Variants in POGLUT1 observed in about 807,000 individuals in gnomAD.
The protein encoded by POGLUT1 is protein O-glucosyltransferase 1, also known as 9630046K23Rik.
POGLUT1 carries 32 observed loss-of-function variants against 61.3 expected under a neutral mutation model. The observed-to-expected ratio is 0.52, with a 90% CI of 0.39 to 0.70. The LOEUF is 0.70. Ranked by LOEUF, POGLUT1 falls within the 30% of genes least tolerant of loss-of-function variation. The pLI, the probability that POGLUT1 is intolerant of heterozygous loss-of-function variation, is 0.00. For synonymous variants in POGLUT1, 158 were observed against 158.2 expected (o/e 1.00, Z 0.01); for missense variants, 411 against 469.8 (o/e 0.87, Z 1.16).
chr3:119,475,954 CCA>C lies in POGLUT1; in HGVS notation c.321-1320_321-1319del, dbSNP rs539140166. 4.8e-3 allele frequency among the ~76,000 whole-genome samples: 626 copies of C among 130,938 alleles called. 5 individuals carry two copies. The highest frequency in any genetic ancestry group is 0.014 in the African/African-American group (460 of 33,204). 85.9% of individuals were successfully genotyped at this position (130,938 alleles called of 152,430 possible). ...TGGACAACATACCAAGACTGTCTCTCCACACACACACACACACACACACACAC... is the reference window on the plus strand; with the variant it reads ...TGGACAACATACCAAGACTGTCTCTCCACACACACACACACACACACACAC... On this transcript the variant is annotated intron_variant, in intron 3 of 10. Transcript: ENST00000295588.
chr3:119,473,888 T>C (rs1007238274), intron 3 of POGLUT1, among the ~76,000 whole-genome samples: 2 of 152,174 alleles, frequency 1.3e-5, no homozygotes, highest in African/African-American at 4.8e-5. Context: ...CTCAAACTCC[T>C]GACCTCATGA....
At position 119,470,048 on chromosome 3, in the gene POGLUT1, C is replaced by G. The variant is rs6438531; in HGVS notation, c.176+138C>G. 514,187 of 630,702 alleles carry G rather than the reference C, an allele frequency of 0.82. 210,512 individuals carry two copies. Among genetic ancestry groups the G allele is most frequent in the African/African-American group, 0.91 (49,888 of 54,524 alleles). The allele number at this position is 630,702 out of a possible 1,614,324, so 39.1% of individuals were successfully genotyped here. On this transcript the variant is annotated intron_variant, in intron 2 of 10. Coordinates refer to ENST00000295588, the MANE Select transcript of POGLUT1 (RefSeq NM_152305.3). The stretch of plus-strand genomic sequence containing the variant: ...TATTTCTGGGGAATAAAAATGCTCT[C>G]GCATGGGAAAGGCTCAGGTGGTGTC...
chr3:119,489,045 C>T, intron 8 of POGLUT1, 58 bp downstream of exon 8: 2 of 963,320 alleles, frequency 2.1e-6, no homozygotes, highest in Non-Finnish European at 3.3e-6. Context: ...GAAATAGCTT[C>T]ACTTTGGGTG....
intron 3 of POGLUT1, chr3:119,471,733 G>T: frequency 2.5e-6 from 1 of 399,428 alleles, no homozygotes; most frequent in Admixed American, 3.9e-5. Flanking sequence ...CAGGACACAG[G>T]CTGATGAGGC....
chr3:119,492,057 AAAATAAAT>A (rs71156748), intron 10 of POGLUT1, among the ~76,000 whole-genome samples: 9 of 150,504 alleles, frequency 6.0e-5, no homozygotes, highest in South Asian at 4.3e-4. Context: ...TCCGTCTCAA[AAAATAAAT>A]AAATAAATAA....
rs748119694 is a variant in POGLUT1 at position 119,477,382 on chromosome 3, T to C, written c.390T>C (p.Asn130=). Residue 130 remains asparagine (N), a synonymous_variant, in exon 4 of 11, where the codon AAT becomes AAC. Transcript: ENST00000295588. ...GRLPDMEMVI[N]VRDYPQVPKW... is the part of the protein sequence containing the mutation. The stretch of plus-strand genomic sequence containing the variant: ...TCCCTGACATGGAGATGGTGATCAA[T>C]GTACGAGATTATCCTCAGGTTCCTA... 2 of 1,614,000 alleles carry C rather than the reference T, an allele frequency of 1.2e-6. No individual in the cohort carries two copies. The highest frequency in any genetic ancestry group is 1.1e-5 in the South Asian group (1 of 91,090).
intron 7 of POGLUT1, among the ~76,000 whole-genome samples, chr3:119,487,765 C>T (rs2081685292): frequency 6.6e-6 from 1 of 151,922 alleles, no homozygotes; most frequent in Admixed American, 6.6e-5. Context: ...CAAATTTGGC[C>T]TGTGGGTCGT....
chr3:119,488,787 G>A, intron 7 of POGLUT1, 142 bp from the exon 8 acceptor site: 1 of 439,008 alleles, frequency 2.3e-6, no homozygotes, highest in East Asian at 3.3e-5. Flanking sequence ...TTTATATAAT[G>A]GGAATAATAA....
At chr3:119,472,323 A>G (rs1336254576) in intron 3 of POGLUT1, among the ~76,000 whole-genome samples, 3 of 152,220 alleles carry the variant, frequency 2.0e-5, no homozygotes, top group African/African-American at 7.2e-5. Flanking sequence ...AAAGTGAAAT[A>G]AATGTGCAGA....
chr3:119,468,986 C>T lies in POGLUT1; in HGVS notation c.-36C>T, dbSNP rs2081430098. On this transcript the variant is annotated 5_prime_UTR_variant, in exon 1 of 11. Transcript: ENST00000295588. ...TTGTGCGGGGCCGCGCTTCCGCCAG[C>T]GCCGCAGCGGGGAATCTGCAGTAGG... 3 of 1,571,004 alleles carry T rather than the reference C, an allele frequency of 1.9e-6. No individual in the cohort carries two copies. Among genetic ancestry groups the T allele is most frequent in the Non-Finnish European group, 2.6e-6 (3 of 1,155,136 alleles).
At chr3:119,487,857 A>G (rs914245759) in intron 7 of POGLUT1, among the ~76,000 whole-genome samples, 1 of 152,182 alleles carries the variant, frequency 6.6e-6, no homozygotes, top group East Asian at 1.9e-4. Flanking sequence ...AATGAATCAA[A>G]TGAGTCAGAA....
rs368566548 is a variant in POGLUT1, at chr3:119,486,927, A to G, written c.733A>G (p.Met245Val). The part of the protein sequence containing the change: ...EYTKNQAWKS[M>V]KDTLGKPAAK... ...CACCAAAAACCAGGCCTGGAAATCT[A>G]TGAAAGTAATCACCAGTCATCTGAC... is the stretch of plus-strand genomic sequence containing the variant. The change falls in exon 7 of 11, where the codon ATG becomes GTG. Residue 245 changes from methionine to valine, a missense_variant. By Grantham distance (21) the Met-to-Val change is conservative (BLOSUM62 1). Coordinates refer to ENST00000295588, the MANE Select transcript of POGLUT1 (RefSeq NM_152305.3). 4.9e-5 allele frequency: 79 copies of G among 1,601,786 alleles called. No individual in the cohort carries two copies. Among genetic ancestry groups the G allele is most frequent in the Admixed American group, 3.3e-4 (20 of 60,010 alleles).
At chr3:119,487,986 T>C (rs2107716049) in intron 7 of POGLUT1, 1 of 152,338 alleles carries the variant, frequency 6.6e-6, no homozygotes, top group South Asian at 2.1e-4. Flanking sequence ...ACTCTATGGC[T>C]TTTTGCCTTA....
chr3:119,481,050 ATTTT>A (rs1381336638), intron 5 of POGLUT1, among the ~76,000 whole-genome samples: 1 of 152,000 alleles, frequency 6.6e-6, no homozygotes, highest in East Asian at 1.9e-4. Context: ...AGTATTTTCA[ATTTT>A]TCTATACTTA....
intron 6 of POGLUT1, 146 bp downstream of exon 6, chr3:119,485,533 G>A: frequency 1.7e-6 from 1 of 578,882 alleles, no homozygotes; most frequent in Non-Finnish European, 3.1e-6. Flanking sequence ...TTAGATTCGA[G>A]AATAATTCAC....
intron 5 of POGLUT1, among the ~76,000 whole-genome samples, chr3:119,480,380 C>G (rs1222471546): frequency 6.6e-6 from 1 of 151,956 alleles, no homozygotes; most frequent in Non-Finnish European, 1.5e-5. Flanking sequence ...TCCCGAGTAG[C>G]TGGGATTACA....
chr3:119,491,186 T>A (rs1239947190), intron 9 of POGLUT1, among the ~76,000 whole-genome samples: 6 of 147,848 alleles, frequency 4.1e-5, no homozygotes, highest in East Asian at 2.0e-4. Flanking sequence ...TTTCTATATA[T>A]AAATATATTT....
Position 119,493,146 on chromosome 3 carries a change from C to CAA in POGLUT1, c.*722_*723dup, listed in dbSNP as rs369438260. ...CTACTTCTTAATGCCTCTCTAAAGC[C>CAA]AAAAAAAAAAAAAAAGACAAAGCCT... On this transcript the variant is annotated 3_prime_UTR_variant, in exon 11 of 11. Coordinates refer to ENST00000295588, the MANE Select transcript of POGLUT1 (RefSeq NM_152305.3). 23,843 of 140,298 alleles carry CAA rather than the reference C, an allele frequency of 0.17. 2,270 individuals carry two copies. The highest frequency in any genetic ancestry group is 0.21 in the Admixed American group (2,995 of 14,170). 8.7% of individuals were successfully genotyped at this position (140,298 alleles called of 1,614,324 possible).
chr3:119,478,312 T>A (rs932892631), intron 4 of POGLUT1: 1 of 455,580 alleles, frequency 2.2e-6, no homozygotes, highest in Non-Finnish European at 4.4e-6. Context: ...TTTTTCTTTA[T>A]CATAGTTTAC....
Sources: allele counts gnomAD v4.1 joint callset (sites outside exome capture counted in the v4.1 genomes callset), GRCh38; gene constraint gnomAD v4.1.1; transcripts MANE v1.5; gene names NCBI Gene and HGNC (gene_info 2026-07-23, HGNC 2026-07-21).